DPH6: variants seen among roughly 807,000 people sequenced by gnomAD.
DPH6 encodes the protein diphthine--ammonia ligase.
In DPH6, 33 loss-of-function variants were observed where a neutral mutation model predicts 38.2. The ratio of observed to expected loss-of-function variants is 0.86; its 90% confidence interval spans 0.65 to 1.15. DPH6 has a LOEUF of 1.15. Among genes scored for constraint, DPH6 ranks in the 50% most tolerant of loss-of-function variants. The pLI is 0.00. For synonymous variants in DPH6, 108 were observed against 103.0 expected, an observed-to-expected ratio of 1.05 and a Z score of -0.30; for missense variants, 325 against 320.0, an observed-to-expected ratio of 1.02 and a Z score of -0.12.
At chr15:35,231,585 C>A (rs1351465242) in intron 3 of DPH6, among the ~76,000 whole-genome samples, 1 of 152,188 alleles carries the variant, frequency 6.6e-6, no homozygotes, top group Non-Finnish European at 1.5e-5. Flanking sequence ...TCTTTTCTGC[C>A]ATCTTGCTCC....
intron 3 of DPH6, among the ~76,000 whole-genome samples, chr15:35,257,829 T>C (rs1382760890): frequency 6.6e-6 from 1 of 151,608 alleles, no homozygotes; most frequent in Non-Finnish European, 1.5e-5. Flanking sequence ...TTACAATGCA[T>C]AGTAAGTAAT....
rs186943402 is a variant in DPH6 at position 35,441,246 on chromosome 15, A to C, written c.505+9439T>G. Among the ~76,000 whole-genome samples the C allele has an allele frequency of 3.5e-4, 53 of 152,260 alleles. 1 individual carries two copies. Among genetic ancestry groups the C allele is most frequent in the African/African-American group, 1.1e-3 (47 of 41,570 alleles). On this transcript the variant is annotated intron_variant, in intron 5 of 8. Coordinates refer to ENST00000256538, the MANE Select transcript of DPH6 (RefSeq NM_080650.4). ...ATTAGTTCAACCATGGTGGAAGACA[A>C]TGTGGCAATTCCTCAAGGATCTAGA...
chr15:35,320,126 T>C (rs2052227100), intron 3 of DPH6, among the ~76,000 whole-genome samples: 1 of 152,218 alleles, frequency 6.6e-6, no homozygotes, highest in Non-Finnish European at 1.5e-5. Context: ...TGGCTTTTTT[T>C]TTCAGATATA....
At chr15:35,354,782 G>A (rs973766287) in intron 3 of DPH6, among the ~76,000 whole-genome samples, 4 of 152,124 alleles carry the variant, frequency 2.6e-5, no homozygotes, top group African/African-American at 9.7e-5. Flanking sequence ...CTATCAGGAT[G>A]ATGCTGGCCT....
the DPH6 span, among the ~76,000 whole-genome samples, chr15:35,151,755 G>A: frequency 3.9e-5 from 6 of 152,152 alleles, no homozygotes; most frequent in Admixed American, 1.3e-4. Flanking sequence ...AAGAAAGCTG[G>A]AAAAGGAATA....
the DPH6 span, among the ~76,000 whole-genome samples, chr15:35,192,698 A>C: frequency 6.6e-6 from 1 of 152,236 alleles, no homozygotes; most frequent in Non-Finnish European, 1.5e-5. Context: ...GGTGTAAAAT[A>C]AGATATAGGT....
intron 1 of DPH6, among the ~76,000 whole-genome samples, chr15:35,545,884 T>TTTAAGGGCTAG (rs939804673): frequency 3.3e-5 from 5 of 152,082 alleles, no homozygotes; most frequent in Admixed American, 2.6e-4. Flanking sequence ...GGAATCCAAG[T>TTTAAGGGCTAG]TTAAGGGCTA....
intron 3 of DPH6, among the ~76,000 whole-genome samples, chr15:35,476,521 A>C (rs1414533347): frequency 6.6e-6 from 1 of 151,878 alleles, no homozygotes; most frequent in Non-Finnish European, 1.5e-5. Context: ...ATTTAAACAT[A>C]ATCTAAAGTT....
At chr15:35,401,071 G>T in intron 6 of DPH6, 1 of 907,290 alleles carries the variant, frequency 1.1e-6, no homozygotes, top group Non-Finnish European at 1.8e-6. Context: ...CAACAGTACA[G>T]AAAAATTGAA....
chr15:35,239,670 A>C (rs2051583411), intron 3 of DPH6, among the ~76,000 whole-genome samples: 1 of 135,266 alleles, frequency 7.4e-6, no homozygotes, highest in Non-Finnish European at 1.6e-5. Flanking sequence ...GGCAGGGGCA[A>C]GTACCCCTCA....
the DPH6 span, among the ~76,000 whole-genome samples, chr15:35,152,858 C>A: frequency 6.6e-6 from 1 of 152,200 alleles, no homozygotes; most frequent in South Asian, 2.1e-4. Context: ...CTTTGTTGTA[C>A]TTAGTGGGAG....
At chr15:35,472,106 A>C (rs2054206107) in intron 3 of DPH6, among the ~76,000 whole-genome samples, 1 of 152,190 alleles carries the variant, frequency 6.6e-6, no homozygotes, top group Admixed American at 6.6e-5. Flanking sequence ...ATAGATAAAC[A>C]ACAAAAAAAT....
the DPH6 span, among the ~76,000 whole-genome samples, chr15:35,190,737 C>A: frequency 6.6e-6 from 1 of 152,236 alleles, no homozygotes; most frequent in Non-Finnish European, 1.5e-5. Context: ...AGACAGTTAT[C>A]ATCTTAGTTT....
At chr15:35,352,811 G>A (rs1187516002) in intron 3 of DPH6, among the ~76,000 whole-genome samples, 5 of 152,184 alleles carry the variant, frequency 3.3e-5, no homozygotes, top group Non-Finnish European at 2.9e-5. Context: ...TGGGATGGCT[G>A]GGTCAAATGA....
intron 3 of DPH6, among the ~76,000 whole-genome samples, chr15:35,470,160 T>C (rs1251133871): frequency 6.6e-6 from 1 of 152,116 alleles, no homozygotes; most frequent in East Asian, 1.9e-4. Flanking sequence ...ATCGCACCAC[T>C]ACACTTCCAG....
At chr15:35,399,496 C>A (rs1383422937) in intron 6 of DPH6, among the ~76,000 whole-genome samples, 1 of 152,088 alleles carries the variant, frequency 6.6e-6, no homozygotes, top group East Asian at 1.9e-4. Context: ...TAATTCAAGG[C>A]AACTTCCCAC....
intron 3 of DPH6, among the ~76,000 whole-genome samples, chr15:35,469,329 T>C (rs1277159753): frequency 1.3e-5 from 2 of 152,230 alleles, no homozygotes; most frequent in African/African-American, 4.8e-5. Context: ...ATTAAGTATA[T>C]TGACATTGTT....
At chr15:35,355,119 T>G (rs575947140) in intron 3 of DPH6, among the ~76,000 whole-genome samples, 2 of 152,302 alleles carry the variant, frequency 1.3e-5, no homozygotes, top group African/African-American at 4.8e-5. Context: ...CTTGCCTTTT[T>G]TTGTTTTCCA....
At chr15:35,349,812 C>A (rs1383431689) in intron 3 of DPH6, among the ~76,000 whole-genome samples, 1 of 152,174 alleles carries the variant, frequency 6.6e-6, no homozygotes, top group South Asian at 2.1e-4. Context: ...TTCTTGCATT[C>A]TAAAAGTAAT....
Sources: allele counts gnomAD v4.1 joint callset (sites outside exome capture counted in the v4.1 genomes callset), GRCh38; gene constraint gnomAD v4.1.1; transcripts MANE v1.5; gene names NCBI Gene and HGNC (gene_info 2026-07-23, HGNC 2026-07-21).